The following PTPRT variants were observed in gnomAD, a reference collection of about 807,000 sequenced individuals.
PTPRT encodes the protein receptor-type tyrosine-protein phosphatase T.
PTPRT carries 56 observed loss-of-function variants against 176.8 expected under a neutral mutation model. That is an observed-to-expected ratio of 0.32 (90% CI 0.26 to 0.40). The LOEUF (loss-of-function observed/expected upper bound fraction) is 0.40. Among genes scored for constraint, PTPRT ranks in the 10% least tolerant of loss-of-function variants. PTPRT has a pLI of 1.00. For synonymous variants in PTPRT, 783 were observed against 739.0 expected (o/e 1.06, Z -0.96); for missense variants, 1,540 against 1,908.2 (o/e 0.81, Z 3.60).
intron 8 of PTPRT, among the ~76,000 whole-genome samples, chr20:42,456,172 A>G (rs1294938368): frequency 6.6e-6 from 1 of 151,992 alleles, no homozygotes; most frequent in Non-Finnish European, 1.5e-5. Flanking sequence ...GCTATTGTAC[A>G]TAATGTCTTT....
chr20:42,823,027 C>G (rs572128381), intron 2 of PTPRT, among the ~76,000 whole-genome samples: 56 of 152,072 alleles, frequency 3.7e-4, no homozygotes, highest in Non-Finnish European at 7.1e-4. Flanking sequence ...CCCAGCAATC[C>G]CATTACTGGG....
intron 16 of PTPRT, among the ~76,000 whole-genome samples, chr20:42,182,791 C>G (rs1990574454): frequency 6.6e-6 from 1 of 152,076 alleles, no homozygotes; most frequent in Non-Finnish European, 1.5e-5. Flanking sequence ...ATACACTCGG[C>G]TTAAAAATGG....
At chr20:43,163,506 T>C (rs1349811085) in intron 1 of PTPRT, among the ~76,000 whole-genome samples, 1 of 151,912 alleles carries the variant, frequency 6.6e-6, no homozygotes, top group Admixed American at 6.6e-5. Flanking sequence ...GGCGTGGTGG[T>C]GGGCGCCTAT....
At chr20:43,165,157 CT>C (rs575367224) in intron 1 of PTPRT, among the ~76,000 whole-genome samples, 12,642 of 136,708 alleles carry the variant, frequency 0.092, 452 homozygotes, top group Admixed American at 0.12. Flanking sequence ...TCTGCACATA[CT>C]TTTTTTTTTT....
chr20:43,045,307 C>T (rs1986786342), intron 1 of PTPRT, among the ~76,000 whole-genome samples: 1 of 152,208 alleles, frequency 6.6e-6, no homozygotes, highest in East Asian at 1.9e-4. Context: ...CTAACTGGTA[C>T]TGACACAGCC....
chr20:43,071,280 C>T (rs1351757133), intron 1 of PTPRT, among the ~76,000 whole-genome samples: 2 of 152,224 alleles, frequency 1.3e-5, no homozygotes, highest in South Asian at 2.1e-4. Context: ...ACCTGGGGCT[C>T]GTTAGATATG....
intron 6 of PTPRT, among the ~76,000 whole-genome samples, chr20:42,688,966 A>T (rs983759261): frequency 6.6e-6 from 1 of 152,206 alleles, no homozygotes; most frequent in African/African-American, 2.4e-5. Flanking sequence ...AGAAAGTGAT[A>T]CAGGCTGGGA....
intron 2 of PTPRT, among the ~76,000 whole-genome samples, chr20:42,799,312 A>G (rs1402768853): frequency 6.6e-6 from 1 of 152,146 alleles, no homozygotes; most frequent in Non-Finnish European, 1.5e-5. Flanking sequence ...CATGTAAACT[A>G]CACGCAACCC....
chr20:42,437,939 G>A (rs1019067735), intron 9 of PTPRT, among the ~76,000 whole-genome samples: 2 of 152,174 alleles, frequency 1.3e-5, no homozygotes, highest in African/African-American at 2.4e-5. Flanking sequence ...ATTCCAACAG[G>A]GGTAACACGG....
At chr20:42,053,777 A>G in the PTPRT span, among the ~76,000 whole-genome samples, 1 of 152,204 alleles carries the variant, frequency 6.6e-6, no homozygotes, top group Non-Finnish European at 1.5e-5. Context: ...TTCTTTGCAT[A>G]TTCGGTTAGC....
Position 42,348,746 on chromosome 20 carries a change from C to T in PTPRT, c.1865+1882G>A, listed in dbSNP as rs142552147. Reference sequence around the variant, plus strand: ...GGGTAAACCAGGACCAAGTAATAAACACGAATGGCTATGAGGGATGACAGC... The same window carrying T: ...GGGTAAACCAGGACCAAGTAATAAATACGAATGGCTATGAGGGATGACAGC... On this transcript the variant is annotated intron_variant, in intron 11 of 30. Transcript: ENST00000373187. 4.6e-5 allele frequency among the ~76,000 whole-genome samples: 7 copies of T among 152,252 alleles called. No individual in the cohort carries two copies. The East Asian group carries it at 9.6e-4, about 21-fold the overall frequency.
intron 8 of PTPRT, among the ~76,000 whole-genome samples, chr20:42,453,674 C>T (rs1376301586): frequency 8.1e-5 from 11 of 136,636 alleles, no homozygotes; most frequent in African/African-American, 1.4e-4. Flanking sequence ...TTTTTCTTTT[C>T]TTTTTTTTTT....
intron 2 of PTPRT, among the ~76,000 whole-genome samples, chr20:42,814,501 GTAGTT>G (rs2077749130): frequency 6.6e-6 from 1 of 152,166 alleles, no homozygotes; most frequent in Non-Finnish European, 1.5e-5. Flanking sequence ...TTCAATAAAT[GTAGTT>G]ATGAATGAAT....
At chr20:42,672,882 A>G (rs888346948) in intron 7 of PTPRT, among the ~76,000 whole-genome samples, 1 of 152,218 alleles carries the variant, frequency 6.6e-6, no homozygotes, top group East Asian at 1.9e-4. Context: ...CCAAGCTTGT[A>G]GCCTACTGCT....
intron 7 of PTPRT, among the ~76,000 whole-genome samples, chr20:42,476,541 C>T (rs1253843650): frequency 1.3e-5 from 2 of 152,166 alleles, no homozygotes; most frequent in Non-Finnish European, 2.9e-5. Flanking sequence ...AAAATGTGCT[C>T]ATGTGTGTTA....
At chr20:42,729,431 G>A (rs1424001161) in intron 6 of PTPRT, among the ~76,000 whole-genome samples, 3 of 152,198 alleles carry the variant, frequency 2.0e-5, no homozygotes, top group East Asian at 1.9e-4. Context: ...CCACTTGCCC[G>A]TGGAGTCCTG....
chr20:42,250,542 T>C (rs148540632), intron 13 of PTPRT, among the ~76,000 whole-genome samples: 73 of 152,266 alleles, frequency 4.8e-4, no homozygotes, highest in African/African-American at 1.7e-3. Context: ...CTCAGAGCAC[T>C]TTCCCCAAGC....
intron 9 of PTPRT, among the ~76,000 whole-genome samples, chr20:42,397,162 G>GGAAAAATGCATTTTCGTAGGAAAAAT (rs2145690528): frequency 6.6e-6 from 1 of 152,320 alleles, no homozygotes. Context: ...AAAAATGCTA[G>GGAAAAATGCATTTTCGTAGGAAAAAT]ACCTACGATG....
chr20:43,148,739 C>T (rs140382737), intron 1 of PTPRT, among the ~76,000 whole-genome samples: 1 of 152,282 alleles, frequency 6.6e-6, no homozygotes, highest in Non-Finnish European at 1.5e-5. Flanking sequence ...AGCAGAACCA[C>T]TCTGAAGGCT....
Sources: gnomAD v4.1 joint callset for allele counts (sites outside exome capture counted in the v4.1 genomes callset) on GRCh38, gnomAD v4.1.1 for gene constraint, MANE v1.5 for transcripts, NCBI Gene and HGNC (gene_info 2026-07-23, HGNC 2026-07-21) for gene names.